The following STAB1 variants were observed in gnomAD, a reference collection of about 807,000 sequenced individuals.
The protein encoded by STAB1 is stabilin 1, also known as stabilin-1.
A neutral mutation model predicts 332.4 loss-of-function variants in STAB1; 250 were observed. The observed-to-expected ratio is 0.75, with a 90% CI of 0.68 to 0.84. STAB1 has a LOEUF of 0.84. Ranked by LOEUF, STAB1 falls within the 40% of genes least tolerant of loss-of-function variation. The pLI is 0.00. For synonymous variants in STAB1, 1,475 were observed against 1,390.4 expected, an observed-to-expected ratio of 1.06 and a Z score of -1.35; for missense variants, 3,249 against 3,489.7, an observed-to-expected ratio of 0.93 and a Z score of 1.74.
intron 1 of STAB1, among the ~76,000 whole-genome samples, chr3:52,500,916 A>T: frequency 6.6e-6 from 1 of 152,224 alleles, no homozygotes; most frequent in East Asian, 1.9e-4. Context: ...TCGATGTGAC[A>T]TTAACAACTT....
Position 52,510,147 on chromosome 3 carries a change from G to T in STAB1, c.2540G>T (p.Arg847Leu). 6.2e-7 allele frequency: 1 copy of T among 1,613,964 alleles called. No homozygotes were observed. Among genetic ancestry groups the T allele is most frequent in the Non-Finnish European group, 8.5e-7 (1 of 1,180,030 alleles). Residue 847 changes from arginine to leucine, a missense_variant, in exon 24 of 69, where the codon CGC becomes CTC. Physicochemically the swap from Arg to Leu is moderately radical, Grantham distance 102. Coordinates refer to ENST00000321725, the MANE Select transcript of STAB1 (RefSeq NM_015136.3). ...CVSQEGVARC[R>L]CLDGFEGDGF... ...CCTCCTTCACCCACCCCCAGATGTC[G>T]CTGTCTTGATGGCTTTGAGGGTGAT...
intron 13 of STAB1, 30 bp downstream of exon 13, chr3:52,505,173 T>C (rs1166137339): frequency 1.2e-6 from 2 of 1,610,354 alleles, no homozygotes; most frequent in Non-Finnish European, 1.7e-6. Context: ...TCCCCTCCCC[T>C]GTGCTGCTGG....
Position 52,506,767 on chromosome 3 carries a change from A to C in STAB1, c.1906A>C (p.Met636Leu), listed in dbSNP as rs1158969038. 1 of 1,612,690 alleles carries C rather than the reference A, an allele frequency of 6.2e-7. No homozygotes were observed. Among genetic ancestry groups the C allele is most frequent in the African/African-American group, 1.3e-5 (1 of 74,922 alleles). Reference sequence around the variant, plus strand: ...GATGGCCGCCAATGGTGTGATCCACATGCTGGACGGCATCCTGCTGCCCCC... The same window carrying C: ...GATGGCCGCCAATGGTGTGATCCACCTGCTGGACGGCATCCTGCTGCCCCC... ...DVMAANGVIH[M>L]LDGILLPPTI... Residue 636 changes from methionine to leucine, a missense_variant, in exon 18 of 69, where the codon ATG becomes CTG. Transcript: ENST00000321725.
At chr3:52,518,916 C>CCCCGCCCCGCCCCG in intron 48 of STAB1, 47 bp downstream of exon 48, 2 of 1,447,850 alleles carry the variant, frequency 1.4e-6, no homozygotes, top group Non-Finnish European at 1.8e-6. Context: ...CCCCGCCCCG[C>CCCCGCCCCGCCCCG]CCCTGCGCGC....
rs1449063825 is a variant in STAB1, at chr3:52,511,562, G to A, written c.2788-88G>A. 8.0e-6 allele frequency: 10 copies of A among 1,247,936 alleles called. No homozygotes were observed. In the East Asian group the frequency reaches 1.6e-4, roughly 19 times the overall value. The allele number at this position is 1,247,936 out of a possible 1,614,324, so 77.3% of individuals were successfully genotyped here. ...TGGGGTCTGGGCAGACCTCCCTGGG[G>A]GCAGTGACCAGAGAGAGCCAAGTAA... On this transcript the variant is annotated intron_variant, in intron 25 of 68. Transcript: ENST00000321725.
rs761344674 is a variant in STAB1, at chr3:52,504,164, C to A, written c.1150+9C>A. 14 of 1,583,336 alleles carry A rather than the reference C, an allele frequency of 8.8e-6. No individual in the cohort carries two copies. In the South Asian group the frequency reaches 1.5e-4, roughly 17 times the overall value. On this transcript the variant is annotated intron_variant, in intron 10 of 68. Transcript: ENST00000321725. ...CGCCGTGGCCATGATGGGTGCGTGA[C>A]CCCACTGCTTGCCCACGACCCGACC... is the stretch of plus-strand genomic sequence containing the variant.
In STAB1 at chr3:52,501,736, G is replaced by C; in HGVS notation, c.314G>C (p.Trp105Ser). ...CAGAAGGCCTGCTGCCCTGGCTACTGGGGTTCCCGGTGCCATGGTATGGGA... is the reference window on the plus strand; with the variant it reads ...CAGAAGGCCTGCTGCCCTGGCTACTCGGGTTCCCGGTGCCATGGTATGGGA... ...VVQKACCPGY[W>S]GSRCHECPGG... is the part of the protein sequence containing the mutation. The change falls in exon 3 of 69, where the codon TGG becomes TCG. Residue 105 changes from tryptophan to serine, a missense_variant. By Grantham distance (177) the Trp-to-Ser change is radical. Coordinates refer to ENST00000321725, the MANE Select transcript of STAB1 (RefSeq NM_015136.3). The C allele has an allele frequency of 6.4e-7, 1 of 1,565,666 alleles. No homozygotes were observed. Among genetic ancestry groups the C allele is most frequent in the Non-Finnish European group, 8.7e-7 (1 of 1,156,016 alleles).
chr3:52,503,583 C>T, intron 8 of STAB1, 43 bp downstream of exon 8: 1 of 1,598,566 alleles, frequency 6.3e-7, no homozygotes, highest in Non-Finnish European at 8.5e-7. Flanking sequence ...ACAGTGCACC[C>T]AAACACTGGC....
rs757066584 is a variant in STAB1, at chr3:52,510,435, T to G, written c.2715T>G (p.Ile905Met). Reference protein sequence around the residue: ...WSGDGRVCVAIDECELDMRGG... With the variant: ...WSGDGRVCVAMDECELDMRGG... The stretch of plus-strand genomic sequence containing the variant: ...GGGATGGCCGCGTCTGTGTGGCTAT[T>G]GACGAGTGTGAGCTGGACATGAGAG... The change falls in exon 25 of 69, where the codon ATT (isoleucine) becomes ATG (methionine). Residue 905 changes from isoleucine to methionine, a missense_variant. Coordinates refer to ENST00000321725, the MANE Select transcript of STAB1 (RefSeq NM_015136.3). The G allele has an allele frequency of 6.2e-7, 1 of 1,613,838 alleles. No individual in the cohort carries two copies. Among genetic ancestry groups the G allele is most frequent in the Non-Finnish European group, 8.5e-7 (1 of 1,179,978 alleles).
intron 46 of STAB1, 24 bp downstream of exon 46, chr3:52,518,383 G>A: frequency 6.2e-7 from 1 of 1,609,812 alleles, no homozygotes; most frequent in Non-Finnish European, 8.5e-7. Flanking sequence ...TTGGGCCTCT[G>A]TGACCTGCAA....
rs759151838 is a variant in STAB1, at chr3:52,503,004, CCCGTCTGCCAGGAGCTGCGCTGT to C, written c.592_614del (p.Val198ProfsTer24). On this transcript the variant is annotated frameshift_variant, in exon 7 of 69. Coordinates refer to ENST00000321725, the MANE Select transcript of STAB1 (RefSeq NM_015136.3). LOFTEE classifies it high-confidence loss of function. ...GCTCTCTCCACTCTGCGCAGAGCTG[CCCGTCTGCCAGGAGCTGCGCTGT>C]CCCCAGAACACCCAGTGCTCCGCAG... The C allele has an allele frequency of 8.9e-6, 14 of 1,580,310 alleles. No homozygotes were observed. The highest frequency in any genetic ancestry group is 1.2e-5 in the Non-Finnish European group (14 of 1,163,976).
chr3:52,514,895 G>A, intron 35 of STAB1, 66 bp downstream of exon 35: 1 of 1,612,640 alleles, frequency 6.2e-7, no homozygotes, highest in Non-Finnish European at 8.5e-7. Flanking sequence ...TAGCTGACCT[G>A]ACTAGTGGGG....
Position 52,523,272 on chromosome 3 carries a change from CTTCCTGGAT to C in STAB1, c.7072_7080del (p.Phe2358_Asp2360del). ...CCCAGCGGGGTCTCGACTTCCTGGA[CTTCCTGGAT>C]GATGAGCTCACGTATAAGACACTCT... On this transcript the variant is annotated inframe_deletion, in exon 64 of 69. Coordinates refer to ENST00000321725, the MANE Select transcript of STAB1 (RefSeq NM_015136.3). 6.2e-7 allele frequency: 1 copy of C among 1,613,234 alleles called. No individual in the cohort carries two copies. The highest frequency in any genetic ancestry group is 8.5e-7 in the Non-Finnish European group (1 of 1,179,980).
rs1269309367 is a variant in STAB1, at chr3:52,523,272, CT to C, written c.7073del (p.Phe2358SerfsTer23). 9 of 1,613,114 alleles carry C rather than the reference CT, an allele frequency of 5.6e-6. No individual in the cohort carries two copies. The highest frequency in any genetic ancestry group is 7.6e-6 in the Non-Finnish European group (9 of 1,179,988). On this transcript the variant is annotated frameshift_variant, in exon 64 of 69. Coordinates refer to ENST00000321725, the MANE Select transcript of STAB1 (RefSeq NM_015136.3). LOFTEE classifies it high-confidence loss of function. ...ATQRGLDFLD[F>X]LDDELTYKTL... The stretch of plus-strand genomic sequence containing the variant: ...CCCAGCGGGGTCTCGACTTCCTGGA[CT>C]TCCTGGATGATGAGCTCACGTATAA...
At chr3:52,502,935 T>A in intron 6 of STAB1, 64 bp from the exon 7 acceptor site, 1 of 1,418,564 alleles carries the variant, frequency 7.0e-7, no homozygotes, top group Non-Finnish European at 9.4e-7. Flanking sequence ...GCAAGGCCCC[T>A]TTGCCCCTGT....
rs778104900 is a variant in STAB1, at chr3:52,507,599, C to T, written c.1990-14C>T. The T allele has an allele frequency of 8.7e-6, 14 of 1,612,456 alleles. No individual in the cohort carries two copies. Among genetic ancestry groups the T allele is most frequent in the Admixed American group, 1.7e-5 (1 of 59,924 alleles). The stretch of plus-strand genomic sequence containing the variant: ...GACTAACCCCTCTCCCCATCCTGCC[C>T]CTGCCCTGCCCAGGGCTCCTGTGTG... On this transcript the variant is annotated splice_polypyrimidine_tract_variant and intron_variant, in intron 18 of 68. Transcript: ENST00000321725.
At chr3:52,523,174 T>C in intron 63 of STAB1, 40 bp downstream of exon 63, 1 of 1,611,628 alleles carries the variant, frequency 6.2e-7, no homozygotes, top group Non-Finnish European at 8.5e-7. Flanking sequence ...GGTGCTGGGA[T>C]CCCCGAGGAG....
Position 52,505,759 on chromosome 3 carries a change from G to A in STAB1, c.1673G>A (p.Arg558His), listed in dbSNP as rs554722091. Residue 558 changes from arginine (R) to histidine (H), a missense_variant, in exon 15 of 69, where the codon CGC becomes CAC. Transcript: ENST00000321725. ...GCTGTGGACAGCTTGCGTGACGGCC[G>A]CCTGATCTACCTCTTCACAGCGGTA... is the stretch of plus-strand genomic sequence containing the variant. ...NEAVDSLRDG[R>H]LIYLFTAGLS... 1.7e-5 allele frequency: 28 copies of A among 1,613,752 alleles called. No individual in the cohort carries two copies. The highest frequency in any genetic ancestry group is 3.3e-4 in the Middle Eastern group (2 of 6,062).
At chr3:52,511,838 C>G (rs1709322589) in intron 26 of STAB1, 93 bp downstream of exon 26, 3 of 972,830 alleles carry the variant, frequency 3.1e-6, no homozygotes, top group African/African-American at 3.3e-5. Context: ...CTGGGTGTCT[C>G]TCTGTACCCC....
Sources: gnomAD v4.1 joint callset for allele counts (sites outside exome capture counted in the v4.1 genomes callset) on GRCh38, gnomAD v4.1.1 for gene constraint, MANE v1.5 for transcripts, NCBI Gene and HGNC (gene_info 2026-07-23, HGNC 2026-07-21) for gene names.